Variants in STYXL1 observed in about 807,000 individuals in gnomAD.
The protein encoded by STYXL1 is serine/threonine/tyrosine interacting like 1, also known as serine/threonine/tyrosine-interacting-like protein 1.
A neutral mutation model predicts 36.4 loss-of-function variants in STYXL1; 32 were observed. That is an observed-to-expected ratio of 0.88 (90% CI 0.66 to 1.18). The LOEUF (loss-of-function observed/expected upper bound fraction) is 1.18. STYXL1 is among the 50% of genes most tolerant of loss of function. The pLI, the probability that STYXL1 is intolerant of heterozygous loss-of-function variation, is 0.00. For synonymous variants in STYXL1, 133 were observed against 144.1 expected, an observed-to-expected ratio of 0.92 and a Z score of 0.55; for missense variants, 354 against 394.1, an observed-to-expected ratio of 0.90 and a Z score of 0.86.
At chr7:76,004,658 T>G (rs1384866823) in intron 6 of STYXL1, among the ~76,000 whole-genome samples, 1 of 150,876 alleles carries the variant, frequency 6.6e-6, no homozygotes, top group Non-Finnish European at 1.5e-5. Context: ...GAGCCAAGAT[T>G]GTGCCACTGC....
chr7:76,027,708 C>CA (rs1432348483), intron 3 of STYXL1, among the ~76,000 whole-genome samples: 2 of 151,744 alleles, frequency 1.3e-5, no homozygotes, highest in East Asian at 1.9e-4. Flanking sequence ...TTAAAAACAA[C>CA]AAAAAAAGAA....
intron 7 of STYXL1, among the ~76,000 whole-genome samples, chr7:76,001,936 A>G (rs1345366148): frequency 6.7e-6 from 1 of 149,730 alleles, no homozygotes; most frequent in Non-Finnish European, 1.5e-5. Flanking sequence ...CACTGTGCCC[A>G]GCCTATTTTT....
At chr7:76,008,057 G>A (rs1438070889) in intron 5 of STYXL1, among the ~76,000 whole-genome samples, 2 of 151,742 alleles carry the variant, frequency 1.3e-5, no homozygotes, top group Non-Finnish European at 2.9e-5. Flanking sequence ...AAATTAGCCA[G>A]GTGTGACAGT....
intron 7 of STYXL1, among the ~76,000 whole-genome samples, chr7:76,002,024 A>G (rs1042077583): frequency 1.4e-4 from 22 of 152,004 alleles, no homozygotes; most frequent in African/African-American, 5.1e-4. Context: ...GCTCACTGCA[A>G]CCTTGAACTC....
At chr7:76,039,482 A>C (rs1325886146) in intron 1 of STYXL1, among the ~76,000 whole-genome samples, 1 of 152,174 alleles carries the variant, frequency 6.6e-6, no homozygotes, top group Non-Finnish European at 1.5e-5. Flanking sequence ...GTCCCAGGTC[A>C]CAACACCCCC....
Position 76,015,976 on chromosome 7 carries a change from G to C in STYXL1, c.308-2089C>G, listed in dbSNP as rs143230130. 1.3e-3 allele frequency among the ~76,000 whole-genome samples: 193 copies of C among 152,272 alleles called. 5 individuals carry two copies. The East Asian group carries it at 0.036, about 29-fold the overall frequency. On this transcript the variant is annotated intron_variant, in intron 4 of 8. Coordinates refer to ENST00000359697, the MANE Select transcript of STYXL1 (RefSeq NM_001317785.2). ...CAAACATTGGACTCCAAGTTCTTCA[G>C]CTTTGGGACTCACACTGGCTTCCTT...
At chr7:75,998,019 A>T (rs1790346838) in intron 8 of STYXL1, among the ~76,000 whole-genome samples, 1 of 152,232 alleles carries the variant, frequency 6.6e-6, no homozygotes, top group African/African-American at 2.4e-5. Context: ...AATACAACTC[A>T]AAGTAATCCA....
chr7:76,039,709 G>A (rs782044829), intron 1 of STYXL1, among the ~76,000 whole-genome samples: 8 of 151,924 alleles, frequency 5.3e-5, no homozygotes, highest in Non-Finnish European at 8.8e-5. Context: ...GTGCAGTGGC[G>A]TGATCTCACC....
intron 3 of STYXL1, among the ~76,000 whole-genome samples, chr7:76,027,011 C>T (rs1312979328): frequency 1.3e-5 from 2 of 151,352 alleles, no homozygotes; most frequent in African/African-American, 2.4e-5. Flanking sequence ...TGCAGTGAGC[C>T]GAAATTGTGC....
chr7:75,998,111 T>C (rs1256397518), intron 8 of STYXL1, among the ~76,000 whole-genome samples: 1 of 152,146 alleles, frequency 6.6e-6, no homozygotes, highest in African/African-American at 2.4e-5. Flanking sequence ...TCATATGGAA[T>C]CTCAAAGGAC....
intron 3 of STYXL1, among the ~76,000 whole-genome samples, chr7:76,026,008 C>T (rs542854913): frequency 1.1e-4 from 17 of 149,846 alleles, no homozygotes; most frequent in African/African-American, 4.2e-4. Flanking sequence ...CTGGCTAACA[C>T]GGTGAAACCC....
intron 3 of STYXL1, among the ~76,000 whole-genome samples, chr7:76,023,590 G>C (rs920167666): frequency 2.0e-5 from 3 of 151,832 alleles, no homozygotes; most frequent in Non-Finnish European, 2.9e-5. Flanking sequence ...AGCCGGGTGT[G>C]GGAGGGTGCA....
At chr7:76,032,116 G>A (rs1038219156) in intron 1 of STYXL1, among the ~76,000 whole-genome samples, 5 of 151,964 alleles carry the variant, frequency 3.3e-5, no homozygotes, top group Admixed American at 6.6e-5. Flanking sequence ...AATTAGCTGG[G>A]CATGGTGGTA....
Position 75,996,488 on chromosome 7 carries a change from T to C in STYXL1, c.922A>G (p.Ile308Val), listed in dbSNP as rs143857935. Residue 308 changes from isoleucine (I) to valine (V), a missense_variant, in exon 9 of 9, where the codon ATC (isoleucine) becomes GTC (valine). Coordinates refer to ENST00000359697, the MANE Select transcript of STYXL1 (RefSeq NM_001317785.2). ...GAAGATCAGTAGAGCGGATCCATGA[T>C]GTTTGTGATGGAATCTCCAAGGATA... ...KTILGDSITNIMDPLY is the reference protein window; with the variant it reads ...KTILGDSITNVMDPLY 2 of 1,614,230 alleles carry C rather than the reference T, an allele frequency of 1.2e-6. No homozygotes were observed. Among genetic ancestry groups the C allele is most frequent in the East Asian group, 2.2e-5 (1 of 44,894 alleles).
At chr7:76,011,830 C>CG (rs1792590364) in intron 5 of STYXL1, among the ~76,000 whole-genome samples, 2 of 152,314 alleles carry the variant, frequency 1.3e-5, no homozygotes, top group East Asian at 3.9e-4. Context: ...TCCAGATACC[C>CG]GGGGCGTCCC....
chr7:75,998,073 G>A (rs575736410), intron 8 of STYXL1, among the ~76,000 whole-genome samples: 225 of 152,246 alleles, frequency 1.5e-3, no homozygotes, highest in Middle Eastern at 6.8e-3. Flanking sequence ...AACATTTTTT[G>A]TAGAAATAGA....
chr7:75,997,993 A>G (rs1259555765), intron 8 of STYXL1, among the ~76,000 whole-genome samples: 5 of 152,222 alleles, frequency 3.3e-5, no homozygotes, highest in Non-Finnish European at 1.5e-5. Flanking sequence ...GGAAAGCTTA[A>G]TATTATTAAG....
chr7:76,035,402 G>T lies in STYXL1; in HGVS notation c.-4-4875C>A, dbSNP rs141785698. Among the ~76,000 whole-genome samples, 14 of 132,608 alleles carry T rather than the reference G, an allele frequency of 1.1e-4. No individual in the cohort carries two copies. The East Asian group carries it at 2.7e-3, about 26-fold the overall frequency. 87.0% of individuals were successfully genotyped at this position (132,608 alleles called of 152,430 possible). A position where few individuals can be genotyped will look rare whatever the true frequency, so the allele number is the denominator to read the frequency against. On this transcript the variant is annotated intron_variant, in intron 1 of 8. Transcript: ENST00000359697. ...ATTGTCTCCTGGTTTCTGAGGGAAG[G>T]TCTTGCCTGTCTTGTCCACTGCTAG...
At chr7:76,046,434 C>A (rs189140709) in intron 1 of STYXL1, among the ~76,000 whole-genome samples, 2 of 151,960 alleles carry the variant, frequency 1.3e-5, no homozygotes, top group Non-Finnish European at 2.9e-5. Context: ...GCAACCTCCA[C>A]CTCCTGGGTT....
Sources: allele counts gnomAD v4.1 joint callset (sites outside exome capture counted in the v4.1 genomes callset), GRCh38; gene constraint gnomAD v4.1.1; transcripts MANE v1.5; gene names NCBI Gene and HGNC (gene_info 2026-07-23, HGNC 2026-07-21).